Variants in GPR176 observed in about 807,000 individuals in gnomAD.
The protein encoded by GPR176 is G protein-coupled receptor 176, also known as G-protein coupled receptor 176.
A neutral mutation model predicts 35.4 loss-of-function variants in GPR176; 26 were observed. That is an observed-to-expected ratio of 0.74 (90% CI 0.54 to 1.02). GPR176 has a LOEUF of 1.02. Ranked by LOEUF, GPR176 falls within the 50% of genes least tolerant of loss-of-function variation. The pLI is 0.00. For synonymous variants in GPR176, 278 were observed against 271.3 expected (o/e 1.02, Z -0.24); for missense variants, 597 against 665.3 (o/e 0.90, Z 1.13).
chr15:39,831,569 C>A (rs1034508495), intron 1 of GPR176, among the ~76,000 whole-genome samples: 5 of 152,096 alleles, frequency 3.3e-5, no homozygotes, highest in African/African-American at 1.2e-4. Context: ...CACTCAATGG[C>A]CCAAACCAGA....
chr15:39,854,957 G>A (rs1420620846), intron 1 of GPR176, among the ~76,000 whole-genome samples: 1 of 151,566 alleles, frequency 6.6e-6, no homozygotes, highest in African/African-American at 2.4e-5. Flanking sequence ...AGGCTGAGGT[G>A]AGAGAATCAC....
intron 1 of GPR176, among the ~76,000 whole-genome samples, chr15:39,851,969 G>C (rs552244179): frequency 4.7e-4 from 72 of 152,078 alleles, no homozygotes; most frequent in Non-Finnish European, 8.8e-4. Context: ...GTCTGCTTTT[G>C]GTATTGTGCC....
At chr15:39,811,725 GC>G (rs1277268303) in intron 1 of GPR176, among the ~76,000 whole-genome samples, 1 of 152,046 alleles carries the variant, frequency 6.6e-6, no homozygotes, top group Non-Finnish European at 1.5e-5. Flanking sequence ...GACCATCCTG[GC>G]GAACATGGTG....
intron 2 of GPR176, among the ~76,000 whole-genome samples, chr15:39,805,678 G>A (rs1899145476): frequency 6.6e-6 from 1 of 152,132 alleles, no homozygotes; most frequent in South Asian, 2.1e-4. Flanking sequence ...CTAAGGAGCT[G>A]GAGCTGCTCC....
intron 1 of GPR176, among the ~76,000 whole-genome samples, chr15:39,870,851 A>G (rs1239672719): frequency 6.6e-6 from 1 of 152,174 alleles, no homozygotes; most frequent in East Asian, 1.9e-4. Flanking sequence ...AGTCCCAGGT[A>G]ACAGCCAGCA....
chr15:39,876,342 G>A (rs943504443), intron 1 of GPR176, among the ~76,000 whole-genome samples: 2 of 152,036 alleles, frequency 1.3e-5, no homozygotes, highest in African/African-American at 2.4e-5. Context: ...GAGAATTTCA[G>A]GAACCTCTTT....
At position 39,801,835 on chromosome 15, in the gene GPR176, T is replaced by C. The variant is rs1898890418; in HGVS notation, c.845A>G (p.Tyr282Cys). Residue 282 changes from tyrosine (Y) to cysteine (C), a missense_variant, in exon 3 of 3, where the codon TAT (tyrosine) becomes TGT (cysteine). By Grantham distance (194) the Tyr-to-Cys change is radical. Around this residue, in one of 3 missense-constraint regions of GPR176, gnomAD observed 220 missense variants for 297.6 expected, o/e 0.74. Coordinates refer to ENST00000561100, the MANE Select transcript of GPR176 (RefSeq NM_007223.3). ...VMVFILCSVP[Y>C]ATLVVYQTVL... Reference sequence around the variant, plus strand: ...AGTCTGGTAGACGACCAGGGTGGCATAGGGCACGCTACACAAGATGAAGAC... The same window carrying C: ...AGTCTGGTAGACGACCAGGGTGGCACAGGGCACGCTACACAAGATGAAGAC... The C allele has an allele frequency of 2.5e-6, 4 of 1,613,750 alleles. No homozygotes were observed. The highest frequency in any genetic ancestry group is 3.4e-6 in the Non-Finnish European group (4 of 1,179,884).
intron 1 of GPR176, among the ~76,000 whole-genome samples, chr15:39,865,041 A>C (rs760764968): frequency 5.9e-5 from 9 of 152,112 alleles, no homozygotes; most frequent in Non-Finnish European, 1.2e-4. Context: ...TAAAAAGAAA[A>C]AAATAATAAC....
chr15:39,810,059 G>A (rs897172339), intron 1 of GPR176, among the ~76,000 whole-genome samples: 2 of 151,748 alleles, frequency 1.3e-5, no homozygotes, highest in Non-Finnish European at 2.9e-5. Context: ...GCAGGAGAAC[G>A]GCGTGAACCC....
chr15:39,813,216 C>A (rs150461471), intron 1 of GPR176: 4 of 152,168 alleles, frequency 2.6e-5, no homozygotes, highest in African/African-American at 9.6e-5. Context: ...AAGAAAAAAT[C>A]TTTTATAGTT....
At chr15:39,865,915 ATTAG>A (rs2031810076) in intron 1 of GPR176, among the ~76,000 whole-genome samples, 1 of 152,212 alleles carries the variant, frequency 6.6e-6, no homozygotes, top group Non-Finnish European at 1.5e-5. Context: ...TCATTGTAGC[ATTAG>A]TTGTAACGGT....
intron 1 of GPR176, chr15:39,862,397 G>A (rs1199479726): frequency 6.6e-6 from 1 of 152,160 alleles, no homozygotes; most frequent in African/African-American, 2.4e-5. Context: ...GTTGGCATGT[G>A]AGCTGGTTCA....
chr15:39,896,279 A>G (rs2033110554), intron 1 of GPR176, among the ~76,000 whole-genome samples: 1 of 152,172 alleles, frequency 6.6e-6, no homozygotes, highest in African/African-American at 2.4e-5. Flanking sequence ...GACAGGTCTC[A>G]CAAAGTTTCC....
intron 1 of GPR176, among the ~76,000 whole-genome samples, chr15:39,830,162 T>C (rs1025929853): frequency 6.6e-6 from 1 of 152,118 alleles, no homozygotes; most frequent in Non-Finnish European, 1.5e-5. Flanking sequence ...AATTAAGAGT[T>C]ACAAACTACT....
intron 1 of GPR176, among the ~76,000 whole-genome samples, chr15:39,814,653 G>T (rs909572532): frequency 6.6e-6 from 1 of 152,148 alleles, no homozygotes; most frequent in African/African-American, 2.4e-5. Context: ...TGTGGGGGTT[G>T]TTTTTCTGTG....
chr15:39,841,642 G>A (rs1190894380), intron 1 of GPR176, among the ~76,000 whole-genome samples: 2 of 152,066 alleles, frequency 1.3e-5, no homozygotes, highest in African/African-American at 4.8e-5. Flanking sequence ...TCCCCCACAG[G>A]TTTCAGGGAC....
chr15:39,826,950 T>C (rs1900700441), intron 1 of GPR176, among the ~76,000 whole-genome samples: 1 of 152,178 alleles, frequency 6.6e-6, no homozygotes, highest in African/African-American at 2.4e-5. Context: ...GATATAAGCA[T>C]CCTTATATGT....
At chr15:39,913,556 AG>A (rs1370106145) in intron 1 of GPR176, among the ~76,000 whole-genome samples, 2 of 151,850 alleles carry the variant, frequency 1.3e-5, no homozygotes, top group African/African-American at 2.4e-5. Context: ...AAAAAAAAAA[AG>A]AAAAAAGAAA....
At chr15:39,910,835 C>T (rs1032878387) in intron 1 of GPR176, among the ~76,000 whole-genome samples, 8 of 151,838 alleles carry the variant, frequency 5.3e-5, no homozygotes, top group African/African-American at 7.3e-5. Context: ...GTCAGTAGTT[C>T]GGGACCAGCC....
Sources: gnomAD v4.1 joint callset for allele counts (sites outside exome capture counted in the v4.1 genomes callset) on GRCh38, gnomAD v4.1.1 for gene constraint, gnomAD v4.1.1 regional missense constraint, MANE v1.5 for transcripts, NCBI Gene and HGNC (gene_info 2026-07-23, HGNC 2026-07-21) for gene names.